Variants in RAB5C observed in about 807,000 individuals in gnomAD.
The protein encoded by RAB5C is ras-related protein Rab-5C.
In RAB5C, 4 loss-of-function variants were observed where a neutral mutation model predicts 25.2. The ratio of observed to expected loss-of-function variants is 0.16; its 90% CI spans 0.08 to 0.36. The LOEUF (loss-of-function observed/expected upper bound fraction) is 0.36. Ranked by LOEUF, RAB5C falls within the 10% of genes least tolerant of loss-of-function variation. The probability of loss-of-function intolerance (pLI) is 1.00; values close to 1 mark genes in which losing one functional copy is unlikely to be tolerated. For synonymous variants in RAB5C, 100 were observed against 106.4 expected, an observed-to-expected ratio of 0.94 and a Z score of 0.37; for missense variants, 199 against 283.8, an observed-to-expected ratio of 0.70 and a Z score of 2.15.
At position 42,137,405 on chromosome 17, in the gene RAB5C, C is replaced by T. The variant is rs971115305; in HGVS notation, c.-88-6815G>A. On this transcript the variant is annotated intron_variant, in intron 1 of 5. Coordinates refer to ENST00000346213, the MANE Select transcript of RAB5C (RefSeq NM_004583.4). ...AGTGTATAATAATATAAAAACCCAT[C>T]GAGCTGTATTTACAATTTGTAAACT... Among the ~76,000 whole-genome samples the T allele has an allele frequency of 7.3e-5, 11 of 151,538 alleles. No individual in the cohort carries two copies. In the South Asian group the frequency reaches 1.0e-3, roughly 14 times the overall value.
chr17:42,148,033 G>A (rs2079647758), intron 1 of RAB5C, among the ~76,000 whole-genome samples: 1 of 152,178 alleles, frequency 6.6e-6, no homozygotes, highest in African/African-American at 2.4e-5. Context: ...GGGAGGCGGA[G>A]GTTGTGGTGA....
At chr17:42,131,642 T>G in intron 1 of RAB5C, 2 of 1,531,592 alleles carry the variant, frequency 1.3e-6, no homozygotes, top group Non-Finnish European at 1.7e-6. Flanking sequence ...GATGGGGCGA[T>G]GGAGAGAAAG....
chr17:42,131,143 T>A (rs2054481779), intron 1 of RAB5C, among the ~76,000 whole-genome samples: 1 of 152,184 alleles, frequency 6.6e-6, no homozygotes, highest in Admixed American at 6.5e-5. Flanking sequence ...GACCAGGGCC[T>A]GGCCAGCACA....
intron 1 of RAB5C, among the ~76,000 whole-genome samples, chr17:42,144,383 G>A (rs775484308): frequency 5.3e-5 from 8 of 152,192 alleles, no homozygotes; most frequent in Middle Eastern, 3.4e-3. Flanking sequence ...CTTGAACCCC[G>A]GAGGTGGAGG....
chr17:42,131,881 G>A (rs980981014), intron 1 of RAB5C: 3 of 395,978 alleles, frequency 7.6e-6, no homozygotes, highest in African/African-American at 4.1e-5. Flanking sequence ...ACAGACATCA[G>A]AATATATACA....
At chr17:42,139,444 C>A (rs560811777) in intron 1 of RAB5C, among the ~76,000 whole-genome samples, 24 of 152,352 alleles carry the variant, frequency 1.6e-4, no homozygotes, top group African/African-American at 5.8e-4. Flanking sequence ...TAACAGCACA[C>A]CTCAGTCAGC....
chr17:42,128,530 T>G, intron 3 of RAB5C, 119 bp downstream of exon 3: 1 of 730,784 alleles, frequency 1.4e-6, no homozygotes, highest in Non-Finnish European at 2.1e-6. Context: ...ACAGGAAATC[T>G]GCCCACCCCC....
chr17:42,140,863 C>G (rs1486979718), intron 1 of RAB5C, among the ~76,000 whole-genome samples: 1 of 151,774 alleles, frequency 6.6e-6, no homozygotes, highest in Admixed American at 6.6e-5. Flanking sequence ...GGGTCTTGCT[C>G]TGCTGCCCAG....
At chr17:42,142,882 G>C (rs962404328) in intron 1 of RAB5C, among the ~76,000 whole-genome samples, 5 of 152,196 alleles carry the variant, frequency 3.3e-5, no homozygotes, top group Non-Finnish European at 5.9e-5. Context: ...AAAAGACACT[G>C]ACTGGCCCGG....
rs141821743 is a variant in RAB5C, at chr17:42,130,359, C to T, written c.144G>A (p.Glu48=). Residue 48 remains glutamate, a synonymous_variant, in exon 2 of 6, where the codon GAG becomes GAA. Coordinates refer to ENST00000346213, the MANE Select transcript of RAB5C (RefSeq NM_004583.4). The part of the protein sequence containing the change: ...VLRFVKGQFH[E]YQESTIGAAF... ...CACCTCCAATTGTGCTCTCCTGGTACTCGTGAAACTGTCCCTTGACAAAGC... is the reference window on the plus strand; with the variant it reads ...CACCTCCAATTGTGCTCTCCTGGTATTCGTGAAACTGTCCCTTGACAAAGC... 5.8e-4 allele frequency: 941 copies of T among 1,612,318 alleles called. No individual in the cohort carries two copies. Among genetic ancestry groups the T allele is most frequent in the Non-Finnish European group, 7.1e-4 (831 of 1,178,648 alleles).
chr17:42,138,914 C>CAGATGCCA (rs2054564215), intron 1 of RAB5C, among the ~76,000 whole-genome samples: 1 of 152,204 alleles, frequency 6.6e-6, no homozygotes, highest in Non-Finnish European at 1.5e-5. Flanking sequence ...TCACTTAGGA[C>CAGATGCCA]AGATGCCAAG....
At chr17:42,128,404 TGTCGAAGGGACAGAGA>T in intron 3 of RAB5C, 21 bp from the exon 4 acceptor site, 1 of 1,606,288 alleles carries the variant, frequency 6.2e-7, no homozygotes, top group Non-Finnish European at 8.5e-7. Flanking sequence ...AGGGACAGAA[TGTCGAAGGGACAGAGA>T]AGGCATTCTG....
rs543687836 is a variant in RAB5C, at chr17:42,126,891, G to GCAGGGGC, written c.442-50_442-44dup. ...GAGAGGAGGTGAGAGGGAAATGTTG[G>GCAGGGGC]CAGGGGCCAGGGCCCAGGGCCCAGG... On this transcript the variant is annotated intron_variant, in intron 4 of 5. Transcript: ENST00000346213. 2.8e-4 allele frequency: 382 copies of GCAGGGGC among 1,344,400 alleles called. 4 individuals are homozygous for GCAGGGGC. In the African/African-American group the frequency reaches 4.3e-3, roughly 15 times the overall value. 83.3% of individuals were successfully genotyped at this position (1,344,400 alleles called of 1,614,324 possible). A position where few individuals can be genotyped will look rare whatever the true frequency, so the allele number is the denominator to read the frequency against.
In RAB5C at chr17:42,131,872, C is replaced by G. The variant is rs2054489921; in HGVS notation, c.-88-1282G>C. 6 of 438,158 alleles carry G rather than the reference C, an allele frequency of 1.4e-5. No homozygotes were observed. In the South Asian group the frequency reaches 1.6e-4, roughly 12 times the overall value. The allele number at this position is 438,158 out of a possible 1,614,324, so 27.1% of individuals were successfully genotyped here. A position where few individuals can be genotyped will look rare whatever the true frequency, so the allele number is the denominator to read the frequency against. On this transcript the variant is annotated intron_variant, in intron 1 of 5. Transcript: ENST00000346213. Reference sequence around the variant, plus strand: ...ATCAGACATATACATCTGATGTCAACAGACATCAGAATATATACAGAATGT... The same window carrying G: ...ATCAGACATATACATCTGATGTCAAGAGACATCAGAATATATACAGAATGT...
At chr17:42,149,927 G>A (rs2079659387) in intron 1 of RAB5C, among the ~76,000 whole-genome samples, 1 of 141,740 alleles carries the variant, frequency 7.1e-6, no homozygotes, top group South Asian at 2.3e-4. Context: ...TGCCCAGGCT[G>A]GAGTGCAGTG....
At chr17:42,142,326 C>T (rs919352073) in intron 1 of RAB5C, among the ~76,000 whole-genome samples, 9 of 152,210 alleles carry the variant, frequency 5.9e-5, no homozygotes, top group South Asian at 2.1e-4. Context: ...TGAGCCACCG[C>T]GCCCAGCCCA....
At position 42,149,876 on chromosome 17, in the gene RAB5C, GTTTT is replaced by G. The variant is rs925280473; in HGVS notation, c.-89+5013_-89+5016del. ...GGGTCTCATTATGTTGCCCAGGCTGGTTTTTTTTTTTTTTTTTTTTGAGATAGAC... is the reference window on the plus strand; with the variant it reads ...GGGTCTCATTATGTTGCCCAGGCTGGTTTTTTTTTTTTTTTTGAGATAGAC... On this transcript the variant is annotated intron_variant, in intron 1 of 5. Coordinates refer to ENST00000346213, the MANE Select transcript of RAB5C (RefSeq NM_004583.4). 5.8e-5 allele frequency among the ~76,000 whole-genome samples: 7 copies of G among 121,166 alleles called. No individual in the cohort carries two copies. In the South Asian group the frequency reaches 1.1e-3, roughly 20 times the overall value. 79.5% of individuals were successfully genotyped at this position (121,166 alleles called of 152,430 possible).
At chr17:42,142,393 A>C (rs949016410) in intron 1 of RAB5C, among the ~76,000 whole-genome samples, 4 of 152,154 alleles carry the variant, frequency 2.6e-5, no homozygotes, top group Non-Finnish European at 1.5e-5. Context: ...CTTTCAGGAA[A>C]GGGAAGAAGC....
chr17:42,130,477 C>A lies in RAB5C; in HGVS notation c.26G>T (p.Arg9Leu), dbSNP rs563186025. 6.2e-7 allele frequency: 1 copy of A among 1,614,100 alleles called. No individual in the cohort carries two copies. The highest frequency in any genetic ancestry group is 1.7e-5 in the Admixed American group (1 of 60,020). The change falls in exon 2 of 6, where the codon CGA becomes CTA. Residue 9 changes from arginine (R) to leucine (L), a missense_variant. By Grantham distance (102) the Arg-to-Leu change is moderately radical (BLOSUM62 -2). This residue lies in a region of RAB5C where 21 missense variants were observed against 20.2 expected (regional missense o/e 1.04). Transcript: ENST00000346213. MAGRGGAA[R>L]PNGPAAGNKI... is the part of the protein sequence containing the mutation. ...GTTCCCAGCAGCTGGTCCATTGGGTCGTGCTGCGCCTCCCCGACCCGCCAT... is the reference window on the plus strand; with the variant it reads ...GTTCCCAGCAGCTGGTCCATTGGGTAGTGCTGCGCCTCCCCGACCCGCCAT...
Sources: gnomAD v4.1 joint callset for allele counts (sites outside exome capture counted in the v4.1 genomes callset) on GRCh38, gnomAD v4.1.1 for gene constraint, gnomAD v4.1.1 regional missense constraint, MANE v1.5 for transcripts, NCBI Gene and HGNC (gene_info 2026-07-23, HGNC 2026-07-21) for gene names.